ZNRF1: variants seen among roughly 807,000 people sequenced by gnomAD.
ZNRF1 encodes zinc and ring finger 1, also known as E3 ubiquitin-protein ligase ZNRF1.
Under a neutral mutation model 18.4 loss-of-function variants are expected in ZNRF1, and 3 were observed. The observed-to-expected ratio is 0.16, with a 90% confidence interval of 0.07 to 0.42. The LOEUF (loss-of-function observed/expected upper bound fraction) is 0.42. Ranked by LOEUF, ZNRF1 falls within the 10% of genes least tolerant of loss-of-function variation. The pLI is 0.99. For synonymous variants in ZNRF1, 157 were observed against 144.2 expected (o/e 1.09, Z -0.64); for missense variants, 310 against 329.8 (o/e 0.94, Z 0.47).
intron 1 of ZNRF1, among the ~76,000 whole-genome samples, chr16:75,079,421 G>C (rs775062691): frequency 6.6e-6 from 1 of 152,156 alleles, no homozygotes; most frequent in Non-Finnish European, 1.5e-5. Context: ...CAGAGGTTGC[G>C]GGGAGCCGAG....
intron 1 of ZNRF1, among the ~76,000 whole-genome samples, chr16:75,043,790 C>CTTTTTTTTTTTTTTTTTTTTTTTTTT (rs59324869): frequency 4.0e-5 from 3 of 75,190 alleles, no homozygotes; most frequent in Non-Finnish European, 5.2e-5. Context: ...TTGCTTTGTA[C>CTTTTTTTTTTTTTTTTTTTTTTTTTT]TTTTTTTTTT....
At chr16:75,095,583 C>G (rs1358229429) in intron 2 of ZNRF1, 2 of 1,535,972 alleles carry the variant, frequency 1.3e-6, no homozygotes, top group Admixed American at 4.0e-5. Flanking sequence ...TCTGTAGACA[C>G]TGCGTTTGTT....
At chr16:75,105,047 G>C (rs887937523) in intron 3 of ZNRF1, 158 bp downstream of exon 3, 4 of 599,538 alleles carry the variant, frequency 6.7e-6, no homozygotes, top group Non-Finnish European at 1.2e-5. Flanking sequence ...GGTGTCCACT[G>C]TGCCGGCGGG....
intron 1 of ZNRF1, among the ~76,000 whole-genome samples, chr16:75,066,840 C>T (rs1017138192): frequency 6.6e-5 from 10 of 152,036 alleles, no homozygotes; most frequent in African/African-American, 1.7e-4. Flanking sequence ...CTTCCTTTCT[C>T]GTTGACTTAG....
At chr16:75,040,475 G>T (rs1343927287) in intron 1 of ZNRF1, among the ~76,000 whole-genome samples, 7 of 151,378 alleles carry the variant, frequency 4.6e-5, no homozygotes, top group African/African-American at 1.7e-4. Context: ...CTCCCCACCG[G>T]GCAACTGCTA....
At chr16:75,041,367 T>A (rs940475848) in intron 1 of ZNRF1, among the ~76,000 whole-genome samples, 8 of 152,132 alleles carry the variant, frequency 5.3e-5, no homozygotes, top group African/African-American at 1.4e-4. Context: ...TCTCACCCTG[T>A]CGCCCAGGCT....
At chr16:75,051,050 C>A (rs113008029) in intron 1 of ZNRF1, among the ~76,000 whole-genome samples, 55 of 17,790 alleles carry the variant, frequency 3.1e-3, no homozygotes, top group Non-Finnish European at 0.013. Context: ...AAAAAAAAAA[C>A]AAAACCTGGG....
At chr16:75,004,298 G>A (rs1463323179) in intron 1 of ZNRF1, among the ~76,000 whole-genome samples, 2 of 152,118 alleles carry the variant, frequency 1.3e-5, no homozygotes, top group African/African-American at 2.4e-5. Context: ...CCCTTTCCAC[G>A]TTAAAAAGTT....
chr16:75,049,499 A>T (rs1043114565), intron 1 of ZNRF1, among the ~76,000 whole-genome samples: 2 of 152,066 alleles, frequency 1.3e-5, no homozygotes, highest in Non-Finnish European at 2.9e-5. Flanking sequence ...GATAGTTTTT[A>T]AAAATTGCTT....
intron 2 of ZNRF1, among the ~76,000 whole-genome samples, chr16:75,102,670 C>G (rs2036267537): frequency 6.6e-6 from 1 of 152,220 alleles, no homozygotes; most frequent in Non-Finnish European, 1.5e-5. Context: ...CCCTGGACTG[C>G]CTCTTTATCC....
chr16:75,047,618 G>A (rs1053553317), intron 1 of ZNRF1, among the ~76,000 whole-genome samples: 2 of 113,178 alleles, frequency 1.8e-5, no homozygotes, highest in African/African-American at 6.9e-5. Flanking sequence ...TAGATCTTGC[G>A]TCTAGCAACT....
At chr16:75,081,033 C>T (rs957788419) in intron 1 of ZNRF1, among the ~76,000 whole-genome samples, 3 of 151,840 alleles carry the variant, frequency 2.0e-5, no homozygotes, top group East Asian at 1.9e-4. Flanking sequence ...ATTAGCCGGG[C>T]GTGGTGGTGC....
chr16:75,101,617 G>A (rs985326849), intron 2 of ZNRF1, among the ~76,000 whole-genome samples: 4 of 151,942 alleles, frequency 2.6e-5, no homozygotes, highest in African/African-American at 9.7e-5. Context: ...TACTAGACCC[G>A]TTTATCCATC....
chr16:75,015,943 G>C (rs143111616), intron 1 of ZNRF1, among the ~76,000 whole-genome samples: 2 of 140,462 alleles, frequency 1.4e-5, no homozygotes, highest in African/African-American at 5.5e-5. Flanking sequence ...TTTTTGAGAC[G>C]GAGTGTTGCT....
chr16:75,073,199 T>C (rs1416282125), intron 1 of ZNRF1, among the ~76,000 whole-genome samples: 8 of 151,902 alleles, frequency 5.3e-5, no homozygotes, highest in African/African-American at 1.9e-4. Flanking sequence ...CACATAGATA[T>C]GTATACGTAT....
At chr16:75,072,439 C>G (rs2035880954) in intron 1 of ZNRF1, among the ~76,000 whole-genome samples, 1 of 152,168 alleles carries the variant, frequency 6.6e-6, no homozygotes, top group Admixed American at 6.5e-5. Flanking sequence ...AGGTAGTGCT[C>G]TGGCTTGTTT....
chr16:75,095,887 C>CA lies in ZNRF1; in HGVS notation c.520+2222dup, dbSNP rs889664315. 4.6e-5 allele frequency: 38 copies of CA among 827,206 alleles called. No homozygotes were observed. The African/African-American group carries it at 6.4e-4, about 14-fold the overall frequency. The allele number at this position is 827,206 out of a possible 1,614,324, so 51.2% of individuals were successfully genotyped here. ...ACACCCCACCACCGGCAGCCTCACC[C>CA]AAGACTACAGAAACCACACCGGGAG... On this transcript the variant is annotated intron_variant, in intron 2 of 4. Coordinates refer to ENST00000335325, the MANE Select transcript of ZNRF1 (RefSeq NM_032268.5).
At chr16:75,095,622 G>A in intron 2 of ZNRF1, 3 of 1,549,310 alleles carry the variant, frequency 1.9e-6, no homozygotes, top group Non-Finnish European at 2.6e-6. Flanking sequence ...AGCCTCAGAG[G>A]GGCTCAGCCT....
intron 1 of ZNRF1, among the ~76,000 whole-genome samples, chr16:75,027,055 TA>T (rs2035233992): frequency 6.6e-6 from 1 of 152,294 alleles, no homozygotes; most frequent in African/African-American, 2.4e-5. Context: ...ATTTCACAGA[TA>T]AGGAAACCAA....
Sources: gnomAD v4.1 joint callset for allele counts (sites outside exome capture counted in the v4.1 genomes callset) on GRCh38, gnomAD v4.1.1 for gene constraint, MANE v1.5 for transcripts, NCBI Gene and HGNC (gene_info 2026-07-23, HGNC 2026-07-21) for gene names.